The following PDE1A variants were observed in gnomAD, a reference collection of about 807,000 sequenced individuals.
The protein encoded by PDE1A is dual specificity calcium/calmodulin-dependent 3',5'-cyclic nucleotide phosphodiesterase 1A.
A neutral mutation model predicts 61.7 loss-of-function variants in PDE1A; 35 were observed. That is an observed-to-expected ratio of 0.57 (90% CI 0.43 to 0.75). PDE1A has a LOEUF of 0.75. Among genes scored for constraint, PDE1A ranks in the 30% least tolerant of loss-of-function variants. The probability of loss-of-function intolerance (pLI) is 0.00; values close to 1 mark genes in which losing one functional copy is unlikely to be tolerated. For synonymous variants in PDE1A, 232 were observed against 213.2 expected (o/e 1.09, Z -0.77); for missense variants, 597 against 630.6 (o/e 0.95, Z 0.57).
chr2:182,560,572 T>G, the PDE1A span, among the ~76,000 whole-genome samples: 1 of 151,986 alleles, frequency 6.6e-6, no homozygotes, highest in Non-Finnish European at 1.5e-5. Flanking sequence ...CCTTTGGGTA[T>G]ATACCCAGTA....
chr2:182,209,069 G>C (rs1430007095), intron 7 of PDE1A, among the ~76,000 whole-genome samples: 7 of 152,048 alleles, frequency 4.6e-5, no homozygotes, highest in Admixed American at 4.6e-4. Flanking sequence ...GATTCAGGAG[G>C]GGCCAGAAGT....
At chr2:182,662,380 C>T in the PDE1A span, among the ~76,000 whole-genome samples, 840 of 147,324 alleles carry the variant, frequency 5.7e-3, 7 homozygotes, top group African/African-American at 0.02. Context: ...CGAATAGCCA[C>T]GACAATCCTA....
At chr2:182,273,173 T>C (rs1693157295) in intron 1 of PDE1A, among the ~76,000 whole-genome samples, 1 of 152,106 alleles carries the variant, frequency 6.6e-6, no homozygotes, top group Admixed American at 6.6e-5. Flanking sequence ...GACTGATATC[T>C]TTTGATAATT....
At chr2:182,151,992 G>A (rs1023274207) in intron 13 of PDE1A, among the ~76,000 whole-genome samples, 9 of 152,118 alleles carry the variant, frequency 5.9e-5, no homozygotes, top group African/African-American at 2.2e-4. Context: ...ATTCCTCAGA[G>A]CAATGCCCCA....
chr2:182,574,075 C>T, the PDE1A span, among the ~76,000 whole-genome samples: 1 of 151,462 alleles, frequency 6.6e-6, no homozygotes, highest in Admixed American at 6.6e-5. Context: ...GCAAAGAAAG[C>T]CAATCCAAGT....
the PDE1A span, among the ~76,000 whole-genome samples, chr2:182,608,434 C>A: frequency 6.6e-6 from 1 of 152,216 alleles, no homozygotes; most frequent in African/African-American, 2.4e-5. Flanking sequence ...CAAGCCGGCT[C>A]CCTCAGCTTG....
chr2:182,378,303 T>A (rs556809020), intron 1 of PDE1A, among the ~76,000 whole-genome samples: 12 of 152,220 alleles, frequency 7.9e-5, no homozygotes, highest in Non-Finnish European at 1.8e-4. Context: ...GCTACTGTAA[T>A]ACAAATTTGA....
chr2:182,515,954 CTGTGTGTGTGTGTG>C (rs201729102), intron 2 of PDE1A, among the ~76,000 whole-genome samples: 83 of 130,528 alleles, frequency 6.4e-4, no homozygotes, highest in East Asian at 1.8e-3. Flanking sequence ...GTGTGTGTTT[CTGTGTGTGTGTGTG>C]TGTGTGTGTG....
the PDE1A span, among the ~76,000 whole-genome samples, chr2:182,710,892 T>A: frequency 6.6e-6 from 1 of 152,236 alleles, no homozygotes; most frequent in Non-Finnish European, 1.5e-5. Flanking sequence ...GCCATTGCCA[T>A]CTCTCACCTG....
intron 1 of PDE1A, among the ~76,000 whole-genome samples, chr2:182,282,585 A>G (rs1490052558): frequency 6.6e-6 from 1 of 152,034 alleles, no homozygotes; most frequent in African/African-American, 2.4e-5. Flanking sequence ...GTAGGTAAGG[A>G]GACATCCATA....
downstream of PDE1A, chr2:182,142,567 T>C (rs1029382135): frequency 2.0e-5 from 3 of 152,216 alleles, no homozygotes; most frequent in Non-Finnish European, 4.4e-5. Context: ...AAGGACAATC[T>C]AAATAGTATA....
At chr2:182,671,774 C>T in the PDE1A span, among the ~76,000 whole-genome samples, 8 of 145,408 alleles carry the variant, frequency 5.5e-5, no homozygotes, top group Non-Finnish European at 1.2e-4. Flanking sequence ...CACCTGCCAC[C>T]ACGCCCGGCT....
the PDE1A span, among the ~76,000 whole-genome samples, chr2:182,583,183 G>A: frequency 6.6e-6 from 1 of 152,064 alleles, no homozygotes; most frequent in African/African-American, 2.4e-5. Context: ...TAATAAGAGA[G>A]GCTGTTCTTT....
chr2:182,282,402 C>T (rs1233939165), intron 1 of PDE1A, among the ~76,000 whole-genome samples: 1 of 151,942 alleles, frequency 6.6e-6, no homozygotes, highest in Non-Finnish European at 1.5e-5. Context: ...AACATCTTCC[C>T]TAAGAAAAAC....
At chr2:182,404,144 T>G (rs1269036137) in intron 1 of PDE1A, among the ~76,000 whole-genome samples, 1 of 152,190 alleles carries the variant, frequency 6.6e-6, no homozygotes, top group Non-Finnish European at 1.5e-5. Flanking sequence ...ATTCTATGCT[T>G]CAAATAGGCT....
intron 1 of PDE1A, among the ~76,000 whole-genome samples, chr2:182,307,877 T>A (rs1290194660): frequency 1.3e-5 from 2 of 151,916 alleles, no homozygotes; most frequent in Non-Finnish European, 2.9e-5. Flanking sequence ...AAACTAAAAT[T>A]ACAAAAGAGA....
At chr2:182,181,940 T>C (rs1426771784) in intron 13 of PDE1A, among the ~76,000 whole-genome samples, 6 of 152,332 alleles carry the variant, frequency 3.9e-5, no homozygotes, top group African/African-American at 1.4e-4. Flanking sequence ...TTCATTCCTG[T>C]GGTGATTAGT....
chr2:182,384,463 A>ATAG (rs1178001066), intron 1 of PDE1A, among the ~76,000 whole-genome samples: 1 of 98,104 alleles, frequency 1.0e-5, no homozygotes, highest in Non-Finnish European at 2.5e-5. Context: ...AGAGAAAATA[A>ATAG]TAATAATAAT....
At chr2:182,576,130 T>G in the PDE1A span, among the ~76,000 whole-genome samples, 1 of 151,956 alleles carries the variant, frequency 6.6e-6, no homozygotes, top group Non-Finnish European at 1.5e-5. Flanking sequence ...TAAATTCAAA[T>G]TGTCATATAA....
Sources: allele counts gnomAD v4.1 joint callset (sites outside exome capture counted in the v4.1 genomes callset), GRCh38; gene constraint gnomAD v4.1.1; transcripts MANE v1.5; gene names NCBI Gene and HGNC (gene_info 2026-07-23, HGNC 2026-07-21).